Variants in ZNF385D observed in about 807,000 individuals in gnomAD.
ZNF385D encodes zinc finger protein 385D.
A neutral mutation model predicts 35.8 loss-of-function variants in ZNF385D; 15 were observed. That is an observed-to-expected ratio of 0.42 (90% confidence interval 0.28 to 0.64). The LOEUF is 0.64. Among genes scored for constraint, ZNF385D ranks in the 30% least tolerant of loss-of-function variants. ZNF385D has a pLI of 0.23. For missense variants in ZNF385D, 474 were observed against 494.6 expected (o/e 0.96, Z 0.39); for synonymous variants, 212 against 186.8 (o/e 1.13, Z -1.10).
intron 2 of ZNF385D, among the ~76,000 whole-genome samples, chr3:22,206,264 A>G (rs1450390858): frequency 6.6e-6 from 1 of 151,968 alleles, no homozygotes; most frequent in African/African-American, 2.4e-5. Flanking sequence ...CAACACTGGA[A>G]CACCCAGATA....
chr3:21,510,780 T>A (rs1313004165), intron 4 of ZNF385D, 81 bp downstream of exon 4: 1 of 1,558,062 alleles, frequency 6.4e-7, no homozygotes, highest in Non-Finnish European at 8.8e-7. Context: ...GGCACATAAG[T>A]AAACAGACAT....
intron 2 of ZNF385D, among the ~76,000 whole-genome samples, chr3:21,631,441 A>G (rs1414848626): frequency 1.3e-5 from 2 of 152,124 alleles, no homozygotes; most frequent in Non-Finnish European, 2.9e-5. Context: ...TTCAGAGTTG[A>G]TGTATTTGGA....
In ZNF385D at chr3:22,343,270, A is replaced by C. The variant is rs115038049; in HGVS notation, c.106+29180T>G. Among the ~76,000 whole-genome samples the C allele has an allele frequency of 5.8e-3, 880 of 152,306 alleles. 4 individuals carry two copies. The highest frequency in any genetic ancestry group is 0.02 in the African/African-American group (827 of 41,568). ...TCTTTGAAATCACTCACTAAACAAA[A>C]CAAAACAACCCAGCAATGATTTTGA... On this transcript the variant is annotated intron_variant, in intron 2 of 5. Transcript: ENST00000494108.
intron 3 of ZNF385D, among the ~76,000 whole-genome samples, chr3:21,789,010 G>A (rs182705818): frequency 6.6e-6 from 1 of 152,084 alleles, no homozygotes; most frequent in African/African-American, 2.4e-5. Context: ...ATGTGCTATT[G>A]GAAGTTGTGG....
rs187146979 is a variant in ZNF385D, at chr3:22,295,850, C to T, written c.106+76600G>A. ...AGAGAAAGCTACCACCCCTGCCTCACGGCCCCTCCCAATGGCATTGTTGAT... is the reference window on the plus strand; with the variant it reads ...AGAGAAAGCTACCACCCCTGCCTCATGGCCCCTCCCAATGGCATTGTTGAT... On this transcript the variant is annotated intron_variant, in intron 2 of 5. Transcript: ENST00000494108. 1.2e-4 allele frequency among the ~76,000 whole-genome samples: 19 copies of T among 152,230 alleles called. No individual in the cohort carries two copies. In the East Asian group the frequency reaches 1.5e-3, roughly 12 times the overall value.
intron 1 of ZNF385D, among the ~76,000 whole-genome samples, chr3:21,696,942 T>C (rs1467354999): frequency 6.6e-6 from 1 of 152,228 alleles, no homozygotes; most frequent in African/African-American, 2.4e-5. Context: ...TGTTTTAATA[T>C]TATTTAAAAG....
At chr3:21,602,637 A>G (rs955140697) in intron 2 of ZNF385D, among the ~76,000 whole-genome samples, 1 of 144,264 alleles carries the variant, frequency 6.9e-6, no homozygotes, top group African/African-American at 2.6e-5. Flanking sequence ...GGTTCACGCC[A>G]TTCTCCTGCC....
At chr3:22,036,464 T>C (rs1037629069) in intron 3 of ZNF385D, among the ~76,000 whole-genome samples, 5 of 151,944 alleles carry the variant, frequency 3.3e-5, no homozygotes, top group African/African-American at 1.2e-4. Flanking sequence ...ATCGAGAAAT[T>C]CACAAACCAA....
At chr3:21,710,265 G>A (rs1456339287) in intron 1 of ZNF385D, among the ~76,000 whole-genome samples, 1 of 152,142 alleles carries the variant, frequency 6.6e-6, no homozygotes, top group Non-Finnish European at 1.5e-5. Flanking sequence ...TAGGACTAAA[G>A]ATCAAAAGGA....
intron 3 of ZNF385D, chr3:21,942,715 A>T (rs1293135889): frequency 6.6e-6 from 1 of 152,234 alleles, no homozygotes; most frequent in Non-Finnish European, 1.5e-5. Flanking sequence ...ATATTTCAAA[A>T]TGTCAACACA....
At chr3:22,221,679 T>C (rs1698265099) in intron 2 of ZNF385D, among the ~76,000 whole-genome samples, 1 of 152,198 alleles carries the variant, frequency 6.6e-6, no homozygotes, top group Admixed American at 6.5e-5. Context: ...TTGTTCTTTT[T>C]AACTTGTTAA....
chr3:21,814,006 G>A lies in ZNF385D; in HGVS notation c.326-148978C>T, dbSNP rs548495708. Among the ~76,000 whole-genome samples the A allele has an allele frequency of 3.0e-4, 45 of 152,290 alleles. No individual in the cohort carries two copies. In the East Asian group the frequency reaches 6.2e-3, roughly 21 times the overall value. ...CCATCAGACTAACAGCAGATCTCTC[G>A]GCAGAAACCATACAAGCCAGAAGAG... On this transcript the variant is annotated intron_variant, in intron 3 of 5. Transcript: ENST00000494108.
At chr3:22,200,851 A>C (rs1696742783) in intron 2 of ZNF385D, among the ~76,000 whole-genome samples, 1 of 152,140 alleles carries the variant, frequency 6.6e-6, no homozygotes, top group South Asian at 2.1e-4. Context: ...GAAAGAAGAG[A>C]AATATGGCTC....
chr3:21,896,820 CTTTT>C lies in ZNF385D; in HGVS notation c.326-231796_326-231793del, dbSNP rs11410914. On this transcript the variant is annotated intron_variant, in intron 3 of 5. Transcript: ENST00000494108. Reference sequence around the variant, plus strand: ...GTATTTCTCCAATGTGTTCTTAATACTTTTTTTTTTTTTTAAATGCTTAAACTAG... The same window carrying C: ...GTATTTCTCCAATGTGTTCTTAATACTTTTTTTTTTAAATGCTTAAACTAG... 6.9e-3 allele frequency among the ~76,000 whole-genome samples: 1,019 copies of C among 147,056 alleles called. 9 individuals are homozygous for C. Among genetic ancestry groups the C allele is most frequent in the African/African-American group, 0.024 (965 of 40,150 alleles).
intron 3 of ZNF385D, among the ~76,000 whole-genome samples, chr3:22,128,620 C>A (rs1290154683): frequency 6.6e-6 from 1 of 152,088 alleles, no homozygotes; most frequent in African/African-American, 2.4e-5. Flanking sequence ...CAAACTCACT[C>A]ATTCTTTCTT....
At chr3:21,611,424 A>G (rs1454517001) in intron 2 of ZNF385D, among the ~76,000 whole-genome samples, 1 of 152,130 alleles carries the variant, frequency 6.6e-6, no homozygotes, top group Non-Finnish European at 1.5e-5. Flanking sequence ...AAAAAACCAA[A>G]AAGCCTAAAC....
At chr3:22,189,630 C>T (rs1400015789) in intron 2 of ZNF385D, among the ~76,000 whole-genome samples, 4 of 152,120 alleles carry the variant, frequency 2.6e-5, no homozygotes, top group Non-Finnish European at 5.9e-5. Context: ...TTAATAAATT[C>T]TTTATTACTA....
chr3:21,597,996 G>A (rs1183693930), intron 2 of ZNF385D, among the ~76,000 whole-genome samples: 1 of 152,150 alleles, frequency 6.6e-6, no homozygotes, highest in African/African-American at 2.4e-5. Flanking sequence ...CAAAGAAGAA[G>A]TATTAAATGG....
At chr3:22,036,238 A>G (rs1350682250) in intron 3 of ZNF385D, among the ~76,000 whole-genome samples, 1 of 152,204 alleles carries the variant, frequency 6.6e-6, no homozygotes, top group Non-Finnish European at 1.5e-5. Context: ...AGAGGTAAAC[A>G]ACAGGGAAGA....
Sources: allele counts gnomAD v4.1 joint callset (sites outside exome capture counted in the v4.1 genomes callset), GRCh38; gene constraint gnomAD v4.1.1; transcripts MANE v1.5; gene names NCBI Gene and HGNC (gene_info 2026-07-23, HGNC 2026-07-21).